The following SPTBN5 variants were observed in gnomAD, a reference collection of about 807,000 sequenced individuals.
SPTBN5 encodes spectrin beta chain, non-erythrocytic 5.
In SPTBN5, 513 loss-of-function variants were observed where a neutral mutation model predicts 477.6. The observed-to-expected ratio is 1.07, with a 90% CI of 1.00 to 1.16. The LOEUF is 1.16. Ranked by LOEUF, SPTBN5 falls within the 50% of genes most tolerant of loss-of-function variation. SPTBN5 has a pLI of 0.00. For missense variants in SPTBN5, 5,062 were observed against 4,731.8 expected (o/e 1.07, Z -2.05); for synonymous variants, 2,169 against 2,011.7 (o/e 1.08, Z -2.09).
intron 32 of SPTBN5, 46 bp from the exon 33 acceptor site, chr15:41,868,647 G>C: frequency 6.4e-7 from 1 of 1,574,598 alleles, no homozygotes. Flanking sequence ...GGCTGGGCTG[G>C]GCAGCAGGAA....
rs1280316861 is a variant in SPTBN5 at position 41,866,124 on chromosome 15, G to A, written c.6736C>T (p.Leu2246Phe). ...CTGTCCTCCAGCTCCTGGCCCCTGA[G>A]GGCCATTGCCTGCCTCAGGTCCTCC... ...HWEDLRQAMA[L>F]RGQELEDRRN... is the part of the protein sequence containing the mutation. Residue 2246 changes from leucine to phenylalanine, a missense_variant, in exon 38 of 68, where the codon CTC (leucine) becomes TTC (phenylalanine). By Grantham distance (22) the Leu-to-Phe change is conservative. Coordinates refer to ENST00000320955, the MANE Select transcript of SPTBN5 (RefSeq NM_016642.4). The A allele has an allele frequency of 1.3e-6, 2 of 1,558,898 alleles. No homozygotes were observed. The highest frequency in any genetic ancestry group is 2.4e-5 in the East Asian group (1 of 41,564).
In SPTBN5 at chr15:41,872,101, C is replaced by T. The variant is rs141373523; in HGVS notation, c.5166-184G>A. On this transcript the variant is annotated intron_variant, in intron 27 of 67. Coordinates refer to ENST00000320955, the MANE Select transcript of SPTBN5 (RefSeq NM_016642.4). The stretch of plus-strand genomic sequence containing the variant: ...GTGTAGGGGCAGAGGAGGGTGTGGA[C>T]GTGGGGAGATGGACTGCAGGGAGTT... Among the ~76,000 whole-genome samples, 19 of 152,272 alleles carry T rather than the reference C, an allele frequency of 1.2e-4. No homozygotes were observed. In the South Asian group the frequency reaches 3.3e-3, roughly 27 times the overall value.
intron 41 of SPTBN5, 93 bp from the exon 42 acceptor site, chr15:41,862,996 G>GC (rs1038942647): frequency 6.1e-6 from 7 of 1,143,458 alleles, no homozygotes; most frequent in Non-Finnish European, 8.8e-6. Context: ...TGTGTGCACA[G>GC]CAAGTCCCCA....
rs1261701037 is a variant in SPTBN5, at chr15:41,886,161, G to A, written c.1094C>T (p.Ala365Val). 3 of 1,612,294 alleles carry A rather than the reference G, an allele frequency of 1.9e-6. No homozygotes were observed. Among genetic ancestry groups the A allele is most frequent in the Admixed American group, 1.7e-5 (1 of 59,960 alleles). ...TAGCCGGAAGAGCAGGGCCTCTGCG[G>A]CCCCTCGCTGCTGTAGCCGGGGTGG... ...EKPPRLQQRG[A>V]AEALLFRLQT... is the part of the protein sequence containing the mutation. The change falls in exon 7 of 68, where the codon GCC (alanine) becomes GTC (valine). Residue 365 changes from alanine (A) to valine (V), a missense_variant. Transcript: ENST00000320955.
At chr15:41,868,341 G>C in intron 33 of SPTBN5, 57 bp downstream of exon 33, 1 of 1,568,772 alleles carries the variant, frequency 6.4e-7, no homozygotes, top group Non-Finnish European at 8.6e-7. Flanking sequence ...GCACCAGGTG[G>C]CCAGGCACAG....
At chr15:41,868,242 C>A in intron 33 of SPTBN5, 24 bp from the exon 34 acceptor site, 1 of 1,578,844 alleles carries the variant, frequency 6.3e-7, no homozygotes, top group Non-Finnish European at 8.6e-7. Context: ...CATGAGGAGC[C>A]TCAGCTGGGG....
At chr15:41,854,740 A>G in intron 56 of SPTBN5, 42 bp downstream of exon 56, 2 of 1,439,850 alleles carry the variant, frequency 1.4e-6, no homozygotes, top group South Asian at 3.2e-5. Flanking sequence ...TTTTTTGAAG[A>G]CTCTGACACC....
At chr15:41,889,989 T>G in intron 4 of SPTBN5, 100 bp downstream of exon 4, 1 of 738,348 alleles carries the variant, frequency 1.4e-6, no homozygotes, top group Non-Finnish European at 2.4e-6. Context: ...CCTATGGGGA[T>G]CATAAAAGTT....
intron 1 of SPTBN5, 174 bp downstream of exon 1, chr15:41,893,725 C>G: frequency 1.4e-6 from 1 of 695,118 alleles, no homozygotes; most frequent in Non-Finnish European, 2.3e-6. Context: ...CCCCCTTTGC[C>G]CCACCCCACC....
At position 41,887,353 on chromosome 15, in the gene SPTBN5, C is replaced by G. The variant is rs1160956667; in HGVS notation, c.748G>C (p.Gly250Arg). The G allele has an allele frequency of 2.4e-5, 38 of 1,552,488 alleles. No homozygotes were observed. In the Admixed American group the frequency reaches 6.7e-4, roughly 27 times the overall value. ...TCGGGGTCCAGCAGCTGAGCAATGC[C>G]CAGCTCCTGCTCAGCCACCAGGAAA... ...FAFLVAEQEL[G>R]IAQLLDPEDV... The change falls in exon 6 of 68, where the codon GGC becomes CGC. Residue 250 changes from glycine (G) to arginine (R), a missense_variant. By Grantham distance (125) the Gly-to-Arg change is moderately radical (BLOSUM62 -2). Transcript: ENST00000320955.
At chr15:41,850,704 ATTC>A in intron 66 of SPTBN5, 147 bp downstream of exon 66, 1 of 728,208 alleles carries the variant, frequency 1.4e-6, no homozygotes, top group Non-Finnish European at 2.2e-6. Context: ...CAGGACCTAA[ATTC>A]TTTGAGGAAA....
Position 41,856,517 on chromosome 15 carries a change from GCCCAGCCTGCACCAGCTTGTA to G in SPTBN5, c.8869_8889del (p.Tyr2957_Gly2963del). 6.2e-7 allele frequency: 1 copy of G among 1,600,898 alleles called. No individual in the cohort carries two copies. The highest frequency in any genetic ancestry group is 8.5e-7 in the Non-Finnish European group (1 of 1,175,310). On this transcript the variant is annotated inframe_deletion, in exon 53 of 68. Coordinates refer to ENST00000320955, the MANE Select transcript of SPTBN5 (RefSeq NM_016642.4). Reference sequence around the variant, plus strand: ...GCGGCCACCTCGTGGGCGGCAAAGTGCCCAGCCTGCACCAGCTTGTACCCAGTGCCCAGCACCACCCGGGTC... The same window carrying G: ...GCGGCCACCTCGTGGGCGGCAAAGTGCCCAGTGCCCAGCACCACCCGGGTC...
At chr15:41,886,827 A>G (rs1442010585) in intron 6 of SPTBN5, among the ~76,000 whole-genome samples, 7 of 152,218 alleles carry the variant, frequency 4.6e-5, no homozygotes, top group African/African-American at 1.2e-4. Flanking sequence ...AAGCCCCCCA[A>G]AAACATGAAT....
chr15:41,876,475 C>T, intron 20 of SPTBN5, 73 bp downstream of exon 20: 1 of 1,397,486 alleles, frequency 7.2e-7, no homozygotes, highest in Non-Finnish European at 9.9e-7. Flanking sequence ...GCTCTGTAGG[C>T]TGCACAGAGC....
chr15:41,893,053 G>A lies in SPTBN5; in HGVS notation c.225C>T (p.Ile75=). The change falls in exon 3 of 68, where the codon ATC becomes ATT. Residue 75 remains isoleucine, a synonymous_variant. Coordinates refer to ENST00000320955, the MANE Select transcript of SPTBN5 (RefSeq NM_016642.4). The stretch of plus-strand genomic sequence containing the variant: ...GCTCTGTGTACAGGTTCCGGATCTT[G>A]ATGCCCGCCTGGGGAGGGGACAGGG... ...NNVFQCGQAG[I]KIRNLYTELA... 1.2e-6 allele frequency: 2 copies of A among 1,611,100 alleles called. No individual in the cohort carries two copies. The highest frequency in any genetic ancestry group is 1.7e-6 in the Non-Finnish European group (2 of 1,179,706).
chr15:41,852,330 C>A lies in SPTBN5; in HGVS notation c.10450-14G>T. 6.5e-7 allele frequency: 1 copy of A among 1,548,354 alleles called. No individual in the cohort carries two copies. Among genetic ancestry groups the A allele is most frequent in the Non-Finnish European group, 8.8e-7 (1 of 1,142,446 alleles). ...CTCCTGTTCCATCTTGGGGAGTGGGCAAGGTGGGCAAGGTGAGCCAGGTCA... is the reference window on the plus strand; with the variant it reads ...CTCCTGTTCCATCTTGGGGAGTGGGAAAGGTGGGCAAGGTGAGCCAGGTCA... On this transcript the variant is annotated splice_polypyrimidine_tract_variant and intron_variant, in intron 61 of 67. Transcript: ENST00000320955.
chr15:41,866,593 G>A, intron 36 of SPTBN5, 100 bp from the exon 37 acceptor site: 1 of 1,336,300 alleles, frequency 7.5e-7, no homozygotes, highest in Non-Finnish European at 9.8e-7. Flanking sequence ...TGGCCTCAGG[G>A]GTGGGGCGGG....
intron 29 of SPTBN5, 23 bp downstream of exon 29, chr15:41,871,352 G>A: frequency 7.1e-7 from 1 of 1,400,578 alleles, no homozygotes; most frequent in Non-Finnish European, 9.3e-7. Context: ...ACCCCATGCT[G>A]GCCTGGCCCG....
intron 63 of SPTBN5, 120 bp downstream of exon 63, chr15:41,851,658 TG>T (rs1193246138): frequency 8.2e-6 from 6 of 731,614 alleles, no homozygotes; most frequent in South Asian, 1.8e-5. Context: ...GACAGCATGG[TG>T]GGGGGTGGCA....
Sources: allele counts gnomAD v4.1 joint callset (sites outside exome capture counted in the v4.1 genomes callset), GRCh38; gene constraint gnomAD v4.1.1; transcripts MANE v1.5; gene names NCBI Gene and HGNC (gene_info 2026-07-23, HGNC 2026-07-21).